Variants in MYO3B observed in about 807,000 individuals in gnomAD.
MYO3B encodes the protein myosin-IIIb.
In MYO3B, 156 loss-of-function variants were observed where a neutral mutation model predicts 174.6. The ratio of observed to expected loss-of-function variants is 0.89; its 90% confidence interval spans 0.78 to 1.02. MYO3B has a LOEUF of 1.02. Ranked by LOEUF, MYO3B falls within the 50% of genes least tolerant of loss-of-function variation. The pLI is 0.00. For synonymous variants in MYO3B, 563 were observed against 569.1 expected (o/e 0.99, Z 0.15); for missense variants, 1,632 against 1,639.4 (o/e 1.00, Z 0.08).
chr2:170,524,368 G>A (rs1051763337), intron 30 of MYO3B: 2 of 354,342 alleles, frequency 5.6e-6, no homozygotes, highest in Admixed American at 3.5e-5. Flanking sequence ...GGTTATGCAG[G>A]GTCACACAGA....
chr2:170,259,068 C>T (rs1260329226), intron 7 of MYO3B, among the ~76,000 whole-genome samples: 2 of 152,070 alleles, frequency 1.3e-5, no homozygotes, highest in Admixed American at 6.5e-5. Flanking sequence ...ATAGATGACA[C>T]AAACAAATGG....
chr2:170,392,323 C>CCTGTA, intron 15 of MYO3B, 58 bp from the exon 16 acceptor site: 1 of 1,218,948 alleles, frequency 8.2e-7, no homozygotes, highest in South Asian at 1.6e-5. Context: ...AATGGAAATG[C>CCTGTA]CTGTACTACT....
chr2:170,649,378 ATATAT>A (rs1196856435), intron 32 of MYO3B, among the ~76,000 whole-genome samples: 2,093 of 55,684 alleles, frequency 0.038, 251 homozygotes, highest in African/African-American at 0.12. Context: ...AAAAATATAA[ATATAT>A]TATATAAAAA....
At chr2:170,407,653 C>T in intron 21 of MYO3B, 62 bp from the exon 22 acceptor site, 6 of 1,596,464 alleles carry the variant, frequency 3.8e-6, no homozygotes, top group Non-Finnish European at 5.1e-6. Flanking sequence ...AGGCAAGTTG[C>T]CAGTGTCACC....
chr2:170,267,925 A>T (rs1341050148), intron 7 of MYO3B, among the ~76,000 whole-genome samples: 1 of 152,130 alleles, frequency 6.6e-6, no homozygotes, highest in African/African-American at 2.4e-5. Context: ...AACTGTAGAA[A>T]GTCCAGGTGT....
At chr2:170,607,859 T>C (rs1198922586) in intron 32 of MYO3B, among the ~76,000 whole-genome samples, 32 of 152,208 alleles carry the variant, frequency 2.1e-4, no homozygotes, top group Admixed American at 2.1e-3. Flanking sequence ...ACGCTCTAGG[T>C]AAAGGAACAA....
chr2:170,297,957 T>C (rs1209437582), intron 7 of MYO3B, among the ~76,000 whole-genome samples: 3 of 152,142 alleles, frequency 2.0e-5, no homozygotes, highest in African/African-American at 7.2e-5. Flanking sequence ...GAAAAATGAT[T>C]AGGCTAGGAA....
chr2:170,433,702 C>G (rs529557788), intron 22 of MYO3B, among the ~76,000 whole-genome samples: 255 of 152,330 alleles, frequency 1.7e-3, no homozygotes, highest in African/African-American at 5.9e-3. Context: ...CCTATCTTGT[C>G]TGGGTCTGAC....
rs111784028 is a variant in MYO3B at position 170,396,268 on chromosome 2, G to A, written c.1791+3773G>A. On this transcript the variant is annotated intron_variant, in intron 16 of 34. Coordinates refer to ENST00000408978, the MANE Select transcript of MYO3B (RefSeq NM_138995.5). The stretch of plus-strand genomic sequence containing the variant: ...AAGAGAAAATGGACAAGGTAAAGAA[G>A]GTGAAAAAACCTTCCCTGGCTGTCT... Among the ~76,000 whole-genome samples, 1,271 of 152,278 alleles carry A rather than the reference G, an allele frequency of 8.3e-3. 13 individuals carry two copies. The highest frequency in any genetic ancestry group is 8.7e-3 in the Non-Finnish European group (593 of 68,020).
intron 32 of MYO3B, among the ~76,000 whole-genome samples, chr2:170,545,275 T>C (rs1474695091): frequency 6.6e-6 from 1 of 152,228 alleles, no homozygotes; most frequent in African/African-American, 2.4e-5. Flanking sequence ...TTAATCAAGT[T>C]ACATAGCAAC....
At chr2:170,201,078 T>C (rs1231023881) in intron 3 of MYO3B, among the ~76,000 whole-genome samples, 2 of 152,204 alleles carry the variant, frequency 1.3e-5, no homozygotes, top group African/African-American at 2.4e-5. Flanking sequence ...GTATCCACTA[T>C]AGTCCTGCAT....
chr2:170,195,816 A>G (rs1024514181), intron 1 of MYO3B, among the ~76,000 whole-genome samples: 1 of 152,132 alleles, frequency 6.6e-6, no homozygotes, highest in Admixed American at 6.5e-5. Context: ...CAAACAGTCA[A>G]GCCACACCCC....
intron 22 of MYO3B, among the ~76,000 whole-genome samples, chr2:170,435,930 A>G (rs1160772654): frequency 6.6e-6 from 1 of 152,224 alleles, no homozygotes; most frequent in South Asian, 2.1e-4. Context: ...ACTACAGGTG[A>G]CACCCTGGGT....
At chr2:170,552,755 C>G (rs1357359682) in intron 32 of MYO3B, among the ~76,000 whole-genome samples, 1 of 152,142 alleles carries the variant, frequency 6.6e-6, no homozygotes, top group Non-Finnish European at 1.5e-5. Context: ...AAAAAAACTC[C>G]TCCGGGGCAT....
intron 7 of MYO3B, among the ~76,000 whole-genome samples, chr2:170,273,997 C>T (rs935797019): frequency 9.9e-5 from 15 of 151,910 alleles, no homozygotes; most frequent in African/African-American, 3.6e-4. Context: ...GTCATTTAAT[C>T]GGTGATGTGT....
At chr2:170,636,053 A>G (rs1697441662) in intron 32 of MYO3B, among the ~76,000 whole-genome samples, 2 of 152,210 alleles carry the variant, frequency 1.3e-5, no homozygotes, top group African/African-American at 4.8e-5. Context: ...ATCGTATTAT[A>G]TAGTGTGTGG....
chr2:170,426,958 C>A (rs1025705817), intron 22 of MYO3B, among the ~76,000 whole-genome samples: 7 of 151,848 alleles, frequency 4.6e-5, no homozygotes, highest in African/African-American at 1.7e-4. Flanking sequence ...GCGGAGGATG[C>A]AGTCAGCCGA....
intron 25 of MYO3B, among the ~76,000 whole-genome samples, chr2:170,487,724 G>T (rs1686158165): frequency 6.6e-6 from 1 of 152,198 alleles, no homozygotes; most frequent in Admixed American, 6.5e-5. Flanking sequence ...AACTCAATTG[G>T]AGGGATGAAT....
intron 32 of MYO3B, among the ~76,000 whole-genome samples, chr2:170,562,015 C>T (rs1321018359): frequency 6.6e-6 from 1 of 151,838 alleles, no homozygotes; most frequent in African/African-American, 2.4e-5. Flanking sequence ...GTTTATTGCT[C>T]CATCATCTTA....
Sources: gnomAD v4.1 joint callset for allele counts (sites outside exome capture counted in the v4.1 genomes callset) on GRCh38, gnomAD v4.1.1 for gene constraint, MANE v1.5 for transcripts, NCBI Gene and HGNC (gene_info 2026-07-23, HGNC 2026-07-21) for gene names.